Variants in SGCZ observed in about 807,000 individuals in gnomAD.
SGCZ encodes zeta-sarcoglycan.
In SGCZ, 40 loss-of-function variants were observed where a neutral mutation model predicts 41.3. The observed-to-expected ratio is 0.97, with a 90% CI of 0.75 to 1.26. The LOEUF (loss-of-function observed/expected upper bound fraction) is 1.26, where lower values mean the gene tolerates loss of function less well. Among genes scored for constraint, SGCZ ranks in the 50% most tolerant of loss-of-function variants. The pLI is 0.00. For synonymous variants in SGCZ, 206 were observed against 137.5 expected, an observed-to-expected ratio of 1.50 and a Z score of -3.49; for missense variants, 552 against 369.8, an observed-to-expected ratio of 1.49 and a Z score of -4.04.
chr8:14,974,847 G>T lies in SGCZ; in HGVS notation c.39+262738C>A, dbSNP rs1429917682. ...TGGGTGAAAACATAAGACGAATGAAGAGGGAAGTGATTTTAGGAAAAAAAA... is the reference window on the plus strand; with the variant it reads ...TGGGTGAAAACATAAGACGAATGAATAGGGAAGTGATTTTAGGAAAAAAAA... On this transcript the variant is annotated intron_variant, in intron 1 of 7. Coordinates refer to ENST00000382080, the MANE Select transcript of SGCZ (RefSeq NM_139167.4). Among the ~76,000 whole-genome samples, 3 of 136,774 alleles carry T rather than the reference G, an allele frequency of 2.2e-5. No homozygotes were observed. In the Admixed American group the frequency reaches 2.2e-4, roughly 10 times the overall value. 89.7% of individuals were successfully genotyped at this position (136,774 alleles called of 152,430 possible). A position where few individuals can be genotyped will look rare whatever the true frequency, so the allele number is the denominator to read the frequency against.
chr8:14,969,009 T>G (rs1305061793), intron 1 of SGCZ, among the ~76,000 whole-genome samples: 1 of 152,124 alleles, frequency 6.6e-6, no homozygotes, highest in Admixed American at 6.5e-5. Flanking sequence ...TGAGAACATT[T>G]ACATCATTGT....
intron 1 of SGCZ, among the ~76,000 whole-genome samples, chr8:14,644,660 T>C (rs1285810882): frequency 1.3e-5 from 2 of 151,760 alleles, no homozygotes; most frequent in Non-Finnish European, 2.9e-5. Flanking sequence ...TTTTCTGTCA[T>C]GCCTCTATTA....
At chr8:14,447,383 A>G (rs1343910366) in intron 2 of SGCZ, among the ~76,000 whole-genome samples, 1 of 152,170 alleles carries the variant, frequency 6.6e-6, no homozygotes, top group Non-Finnish European at 1.5e-5. Context: ...TGGGTAAAAA[A>G]TTCAACTTAA....
At chr8:14,346,050 CAA>C (rs1425913126) in intron 2 of SGCZ, among the ~76,000 whole-genome samples, 2 of 151,986 alleles carry the variant, frequency 1.3e-5, no homozygotes, top group African/African-American at 4.8e-5. Context: ...ATATACAACA[CAA>C]AGAGTAAATT....
intron 1 of SGCZ, among the ~76,000 whole-genome samples, chr8:14,556,492 G>A (rs994912822): frequency 6.6e-6 from 1 of 151,870 alleles, no homozygotes; most frequent in Non-Finnish European, 1.5e-5. Context: ...GGTTACATGA[G>A]TAAGTTCTTT....
chr8:14,093,195 G>C (rs1167447511), intron 7 of SGCZ, among the ~76,000 whole-genome samples: 1 of 152,004 alleles, frequency 6.6e-6, no homozygotes, highest in African/African-American at 2.4e-5. Context: ...CTCTCTCTTT[G>C]CCCTCCCTCA....
At chr8:14,795,537 G>A (rs1278600972) in intron 1 of SGCZ, among the ~76,000 whole-genome samples, 4 of 152,022 alleles carry the variant, frequency 2.6e-5, no homozygotes. Flanking sequence ...CCACCTCCTA[G>A]ACACAAGGAA....
At chr8:14,563,504 C>T (rs1000889104) in intron 1 of SGCZ, among the ~76,000 whole-genome samples, 1 of 152,172 alleles carries the variant, frequency 6.6e-6, no homozygotes, top group Non-Finnish European at 1.5e-5. Context: ...TACAAACTAT[C>T]AATAGAATGC....
rs1285687430 is a variant in SGCZ, at chr8:15,218,070, C to T, written c.39+19515G>A. 5.3e-5 allele frequency among the ~76,000 whole-genome samples: 8 copies of T among 152,104 alleles called. No individual in the cohort carries two copies. The South Asian group carries it at 6.2e-4, about 12-fold the overall frequency. ...AATAAATTCTATGTAAAATATAGCC[C>T]ATTTACATAAAATACATGTATTTTA... On this transcript the variant is annotated intron_variant, in intron 1 of 7. Transcript: ENST00000382080.
At chr8:14,387,046 A>C (rs555108900) in intron 2 of SGCZ, among the ~76,000 whole-genome samples, 37 of 152,320 alleles carry the variant, frequency 2.4e-4, no homozygotes, top group Non-Finnish European at 4.3e-4. Flanking sequence ...GGAGTTAAAA[A>C]TGTGAAAACA....
At chr8:14,385,242 C>A (rs759489558) in intron 2 of SGCZ, among the ~76,000 whole-genome samples, 4 of 152,010 alleles carry the variant, frequency 2.6e-5, no homozygotes, top group Non-Finnish European at 5.9e-5. Context: ...CTGGTGTGAA[C>A]CAGCTCCAGT....
chr8:14,621,612 A>T (rs1406387601), intron 1 of SGCZ, among the ~76,000 whole-genome samples: 1 of 152,122 alleles, frequency 6.6e-6, no homozygotes, highest in Non-Finnish European at 1.5e-5. Flanking sequence ...TCATGGCAGA[A>T]GGTGAAGGGG....
chr8:14,995,521 T>G (rs903136596), intron 1 of SGCZ, among the ~76,000 whole-genome samples: 16 of 152,170 alleles, frequency 1.1e-4, no homozygotes, highest in African/African-American at 3.6e-4. Flanking sequence ...GAGAGCTGGT[T>G]AGTGAGATCA....
chr8:14,904,309 G>A (rs1365540129), intron 1 of SGCZ, among the ~76,000 whole-genome samples: 3 of 151,972 alleles, frequency 2.0e-5, no homozygotes, highest in African/African-American at 7.2e-5. Context: ...AGGACAGAAA[G>A]GATAGCATAA....
chr8:14,607,678 G>C (rs1370508130), intron 1 of SGCZ, among the ~76,000 whole-genome samples: 1 of 122,926 alleles, frequency 8.1e-6, no homozygotes, highest in Non-Finnish European at 1.8e-5. Flanking sequence ...ATAGAAAGTA[G>C]TATTGATCTC....
At chr8:14,886,777 A>G (rs1804823434) in intron 1 of SGCZ, among the ~76,000 whole-genome samples, 1 of 152,190 alleles carries the variant, frequency 6.6e-6, no homozygotes, top group African/African-American at 2.4e-5. Context: ...AAGAGTAGCA[A>G]CATGGTAGAA....
chr8:14,267,496 A>G (rs1281811594), intron 3 of SGCZ, among the ~76,000 whole-genome samples: 1 of 152,082 alleles, frequency 6.6e-6, no homozygotes, highest in Non-Finnish European at 1.5e-5. Flanking sequence ...TTTAGGCTAT[A>G]GACATCATTT....
chr8:14,848,628 G>C (rs1175839326), intron 1 of SGCZ, among the ~76,000 whole-genome samples: 2 of 152,050 alleles, frequency 1.3e-5, no homozygotes, highest in Non-Finnish European at 1.5e-5. Flanking sequence ...AGTGGTGTTG[G>C]GACTACTGGA....
chr8:15,025,772 C>T (rs574819132), intron 1 of SGCZ, among the ~76,000 whole-genome samples: 17 of 152,088 alleles, frequency 1.1e-4, no homozygotes, highest in Non-Finnish European at 1.9e-4. Flanking sequence ...AGAAAAGTAC[C>T]AGATTATACA....
Sources: allele counts gnomAD v4.1 joint callset (sites outside exome capture counted in the v4.1 genomes callset), GRCh38; gene constraint gnomAD v4.1.1; transcripts MANE v1.5; gene names NCBI Gene and HGNC (gene_info 2026-07-23, HGNC 2026-07-21).